Variants in FGF12 observed in about 807,000 individuals in gnomAD.
FGF12 encodes fibroblast growth factor 12.
FGF12 carries 14 observed loss-of-function variants against 23.6 expected under a neutral mutation model. That is an observed-to-expected ratio of 0.59 (90% CI 0.39 to 0.93). The LOEUF is 0.93. Among genes scored for constraint, FGF12 ranks in the 40% least tolerant of loss-of-function variants. The pLI is 0.00. For synonymous variants in FGF12, 62 were observed against 77.3 expected, an observed-to-expected ratio of 0.80 and a Z score of 1.04; for missense variants, 175 against 217.8, an observed-to-expected ratio of 0.80 and a Z score of 1.24.
At chr3:192,597,189 A>T (rs1281692371) in intron 2 of FGF12, among the ~76,000 whole-genome samples, 1 of 152,174 alleles carries the variant, frequency 6.6e-6, no homozygotes. Flanking sequence ...TGGAAGGGCA[A>T]AAGGATGTGC....
chr3:192,604,349 G>C (rs1027314984), intron 2 of FGF12, among the ~76,000 whole-genome samples: 4 of 152,192 alleles, frequency 2.6e-5, no homozygotes, highest in Admixed American at 2.6e-4. Context: ...AGAGATTAAA[G>C]TAAAGATAGG....
rs1331927736 is a variant in FGF12, at chr3:192,256,167, A to T, written c.228+79194T>A. Among the ~76,000 whole-genome samples the T allele has an allele frequency of 2.0e-5, 3 of 152,082 alleles. 1 individual carries two copies. Among genetic ancestry groups the T allele is most frequent in the Admixed American group, 2.0e-4 (3 of 15,250 alleles). ...ACTAGCTACAATGAGGCAGAGTCTT[A>T]CTTCCCATGCAAATTAGTCATTTAC... On this transcript the variant is annotated intron_variant, in intron 4 of 5. Transcript: ENST00000445105.
chr3:192,581,310 A>T (rs190086216), intron 2 of FGF12, among the ~76,000 whole-genome samples: 1 of 152,052 alleles, frequency 6.6e-6, no homozygotes, highest in African/African-American at 2.4e-5. Flanking sequence ...TTATGCCTGT[A>T]ATCCCAGAAC....
At chr3:192,665,466 T>G (rs1716832936) in intron 2 of FGF12, among the ~76,000 whole-genome samples, 1 of 152,184 alleles carries the variant, frequency 6.6e-6, no homozygotes, top group Admixed American at 6.5e-5. Context: ...TGCAGGGACA[T>G]GGATGAAGTT....
intron 2 of FGF12, among the ~76,000 whole-genome samples, chr3:192,591,436 T>C (rs1713619495): frequency 6.6e-6 from 1 of 151,666 alleles, no homozygotes; most frequent in Non-Finnish European, 1.5e-5. Context: ...GTGCTTATTG[T>C]TTTTCCTAAA....
At position 192,398,399 on chromosome 3, in the gene FGF12, T is replaced by C. The variant is rs1720618588; in HGVS notation, c.14-37861A>G. Among the ~76,000 whole-genome samples the C allele has an allele frequency of 2.0e-5, 3 of 147,464 alleles. No individual in the cohort carries two copies. The South Asian group carries it at 6.4e-4, about 32-fold the overall frequency. On this transcript the variant is annotated intron_variant, in intron 2 of 5. Coordinates refer to ENST00000445105, the MANE Select transcript of FGF12 (RefSeq NM_004113.6). ...ATTTTCTTTTTTCTTTTTTTTTTTT[T>C]TTCTGAGACAGAGTCTTGCTTTGTC... is the stretch of plus-strand genomic sequence containing the variant.
chr3:192,521,615 A>G (rs1298416669), intron 2 of FGF12, among the ~76,000 whole-genome samples: 1 of 152,104 alleles, frequency 6.6e-6, no homozygotes, highest in Non-Finnish European at 1.5e-5. Context: ...CTATCACCTG[A>G]ACACGTCTCT....
chr3:192,223,036 T>G (rs539007323), intron 4 of FGF12, among the ~76,000 whole-genome samples: 1 of 152,258 alleles, frequency 6.6e-6, no homozygotes, highest in South Asian at 2.1e-4. Flanking sequence ...TAGATATAAC[T>G]TAGTAAAGTG....
chr3:192,167,756 TATATATATATATAAA>T (rs1281035401), intron 5 of FGF12, among the ~76,000 whole-genome samples: 1 of 32,312 alleles, frequency 3.1e-5, no homozygotes, highest in Non-Finnish European at 5.8e-5. Flanking sequence ...TATATATATA[TATATATATATATAAA>T]ATTTTTTTTT....
At chr3:192,543,805 A>G (rs904194217) in intron 2 of FGF12, among the ~76,000 whole-genome samples, 6 of 152,120 alleles carry the variant, frequency 3.9e-5, no homozygotes, top group African/African-American at 1.4e-4. Flanking sequence ...TAGAAATGTC[A>G]TCCTGGAATT....
intron 2 of FGF12, among the ~76,000 whole-genome samples, chr3:192,506,635 G>A (rs923970508): frequency 6.6e-6 from 1 of 152,178 alleles, no homozygotes; most frequent in Non-Finnish European, 1.5e-5. Flanking sequence ...GTCTCCCAAA[G>A]TCCTTGGATT....
chr3:192,716,375 T>C (rs1230317273), intron 2 of FGF12, among the ~76,000 whole-genome samples: 1 of 152,208 alleles, frequency 6.6e-6, no homozygotes, highest in Non-Finnish European at 1.5e-5. Flanking sequence ...TAGACTTCAT[T>C]GTAAGCCAGA....
chr3:192,279,254 A>ATATAT (rs1713998088), intron 4 of FGF12, among the ~76,000 whole-genome samples: 11 of 143,458 alleles, frequency 7.7e-5, no homozygotes, highest in East Asian at 2.1e-4. Context: ...ATATATATAT[A>ATATAT]AAATGTACAT....
intron 4 of FGF12, among the ~76,000 whole-genome samples, chr3:192,313,845 G>A (rs1014316943): frequency 2.0e-5 from 3 of 152,172 alleles, no homozygotes; most frequent in Admixed American, 6.5e-5. Flanking sequence ...GGTCTAGAGA[G>A]GTGTGGCTGC....
chr3:192,521,375 C>T (rs1038546922), intron 2 of FGF12: 10 of 152,028 alleles, frequency 6.6e-5, no homozygotes, highest in African/African-American at 2.2e-4. Flanking sequence ...AACACGAGCT[C>T]GTTAGCCATA....
chr3:192,367,578 GA>G (rs1435886189), intron 2 of FGF12, among the ~76,000 whole-genome samples: 1 of 152,182 alleles, frequency 6.6e-6, no homozygotes, highest in African/African-American at 2.4e-5. Flanking sequence ...GTAAGCATTT[GA>G]AAAGGGACAG....
At chr3:192,455,691 G>T (rs1182634041) in intron 2 of FGF12, among the ~76,000 whole-genome samples, 1 of 151,978 alleles carries the variant, frequency 6.6e-6, no homozygotes, top group Non-Finnish European at 1.5e-5. Flanking sequence ...CCAATGATTT[G>T]CTCTAATGCA....
intron 2 of FGF12, among the ~76,000 whole-genome samples, chr3:192,591,018 C>T (rs1020893336): frequency 3.3e-5 from 5 of 151,538 alleles, no homozygotes; most frequent in Admixed American, 1.3e-4. Context: ...CCTCAAGGGG[C>T]CTTGCCTTCC....
At chr3:192,615,249 A>T (rs1255656862) in intron 2 of FGF12, among the ~76,000 whole-genome samples, 2 of 152,014 alleles carry the variant, frequency 1.3e-5, no homozygotes, top group African/African-American at 2.4e-5. Context: ...CAAGATAAAC[A>T]ACTAATTACA....
Sources: allele counts gnomAD v4.1 joint callset (sites outside exome capture counted in the v4.1 genomes callset), GRCh38; gene constraint gnomAD v4.1.1; transcripts MANE v1.5; gene names NCBI Gene and HGNC (gene_info 2026-07-23, HGNC 2026-07-21).